Variants in ANO9 observed in about 807,000 individuals in gnomAD.
The protein encoded by ANO9 is anoctamin-9.
In ANO9, 80 loss-of-function variants were observed where a neutral mutation model predicts 100.5. The ratio of observed to expected loss-of-function variants is 0.80; its 90% confidence interval spans 0.66 to 0.96. ANO9 has a LOEUF of 0.96. Ranked by LOEUF, ANO9 falls within the 40% of genes least tolerant of loss-of-function variation. The pLI is 0.00. For synonymous variants in ANO9, 473 were observed against 435.6 expected (o/e 1.09, Z -1.07); for missense variants, 1,064 against 1,072.7 (o/e 0.99, Z 0.11).
chr11:418,032 G>C lies in ANO9; in HGVS notation c.*339C>G, dbSNP rs1207937358. The C allele has an allele frequency of 9.6e-6, 3 of 314,110 alleles. No individual in the cohort carries two copies. In the Admixed American group the frequency reaches 1.4e-4, roughly 15 times the overall value. The allele number at this position is 314,110 out of a possible 1,614,324, so 19.5% of individuals were successfully genotyped here. A position where few individuals can be genotyped will look rare whatever the true frequency, so the allele number is the denominator to read the frequency against. On this transcript the variant is annotated 3_prime_UTR_variant, in exon 23 of 23. Coordinates refer to ENST00000332826, the MANE Select transcript of ANO9 (RefSeq NM_001012302.3). The stretch of plus-strand genomic sequence containing the variant: ...CCCCCAACAGCCAGGATGGGGGCAC[G>C]GCAGGATCTGGCGCCCAGAAGTCAG...
In ANO9 at chr11:428,472, C is replaced by T. The variant is rs1301876458; in HGVS notation, c.1185+3G>A. 3 of 1,612,434 alleles carry T rather than the reference C, an allele frequency of 1.9e-6. No homozygotes were observed. The highest frequency in any genetic ancestry group is 8.5e-7 in the Non-Finnish European group (1 of 1,179,750). ...CTCGGGCCTGCCCTGCTCCCGGCCC[C>T]ACCTTGGTCATGATGATGATGGTCA... On this transcript the variant is annotated splice_donor_region_variant and intron_variant, in intron 13 of 22. Coordinates refer to ENST00000332826, the MANE Select transcript of ANO9 (RefSeq NM_001012302.3).
At chr11:429,981 T>C in intron 9 of ANO9, 102 bp downstream of exon 9, 1 of 1,414,906 alleles carries the variant, frequency 7.1e-7, no homozygotes, top group Non-Finnish European at 9.7e-7. Flanking sequence ...TGGGGAAAGC[T>C]GAGCAGCTCT....
chr11:418,262 G>A lies in ANO9; in HGVS notation c.*109C>T. On this transcript the variant is annotated 3_prime_UTR_variant, in exon 23 of 23. Transcript: ENST00000332826. Reference sequence around the variant, plus strand: ...ACAGGGGATTCCTGCGGCCCCACATGGGCACAGCCTTCTCACAGCACCCCT... The same window carrying A: ...ACAGGGGATTCCTGCGGCCCCACATAGGCACAGCCTTCTCACAGCACCCCT... 8.8e-7 allele frequency: 1 copy of A among 1,136,578 alleles called. No individual in the cohort carries two copies. The highest frequency in any genetic ancestry group is 1.2e-6 in the Non-Finnish European group (1 of 819,462). 70.4% of individuals were successfully genotyped at this position (1,136,578 alleles called of 1,614,324 possible).
chr11:435,831 A>G (rs1849479372), intron 1 of ANO9, among the ~76,000 whole-genome samples: 1 of 114,226 alleles, frequency 8.8e-6, no homozygotes, highest in South Asian at 2.9e-4. Flanking sequence ...ATAACATAAT[A>G]CGGTATAGTC....
At chr11:428,441 C>T in intron 13 of ANO9, 34 bp downstream of exon 13, 7 of 1,612,510 alleles carry the variant, frequency 4.3e-6, no homozygotes, top group Non-Finnish European at 5.9e-6. Context: ...CCGGTGGACC[C>T]CCCAGCTCGG....
Position 419,741 on chromosome 11 carries a change from C to T in ANO9, c.1787-12G>A, listed in dbSNP as rs780602687. On this transcript the variant is annotated splice_polypyrimidine_tract_variant and intron_variant, in intron 19 of 22. Coordinates refer to ENST00000332826, the MANE Select transcript of ANO9 (RefSeq NM_001012302.3). ...CTGCAGCCAGGTCCCTGCACCAGAG[C>T]AGTGGGCAAGCGGTCTGACTCAGCG... 20 of 1,593,862 alleles carry T rather than the reference C, an allele frequency of 1.3e-5. No homozygotes were observed. The highest frequency in any genetic ancestry group is 1.2e-4 in the South Asian group (11 of 90,906).
At position 420,781 on chromosome 11, in the gene ANO9, G is replaced by A. The variant is rs750147011; in HGVS notation, c.1570C>T (p.Arg524Trp). The A allele has an allele frequency of 1.1e-5, 18 of 1,600,804 alleles. No homozygotes were observed. The highest frequency in any genetic ancestry group is 1.1e-5 in the Non-Finnish European group (13 of 1,176,312). ...LPRDPELRDW[R>W]RNYLLNPVNT... ...ACCGGGTTCAGAAGGTAGTTGCGCC[G>A]CCAGTCCCTGAGCTCGGGGTCCCGG... The change falls in exon 18 of 23, where the codon CGG becomes TGG. Residue 524 changes from arginine (R) to tryptophan (W), a missense_variant. Transcript: ENST00000332826.
intron 15 of ANO9, among the ~76,000 whole-genome samples, chr11:426,902 C>G (rs535700878): frequency 3.3e-5 from 5 of 152,276 alleles, no homozygotes; most frequent in Admixed American, 2.6e-4. Context: ...AGGGTTGGAC[C>G]AATTGACACT....
intron 7 of ANO9, among the ~76,000 whole-genome samples, chr11:430,749 G>A (rs1848881430): frequency 9.2e-6 from 1 of 108,516 alleles, no homozygotes; most frequent in South Asian, 3.8e-4. Context: ...TGGGTGGTGT[G>A]TGGGGGCGTT....
At position 432,361 on chromosome 11, in the gene ANO9, C is replaced by T. The variant is rs2133703150; in HGVS notation, c.351-307G>A. ...ACAGCCCGCACCTGCAACCACACCT[C>T]CCACCTGCGGGCCCCATGTGTCCAG... On this transcript the variant is annotated intron_variant, in intron 4 of 22. Coordinates refer to ENST00000332826, the MANE Select transcript of ANO9 (RefSeq NM_001012302.3). The surrounding 1 kb of genome is among the most constrained non-coding windows in gnomAD (Gnocchi z 4.8). The T allele has an allele frequency of 8.4e-6, 4 of 474,968 alleles. No homozygotes were observed. Among genetic ancestry groups the T allele is most frequent in the South Asian group, 2.4e-5 (1 of 42,030 alleles). 29.4% of individuals were successfully genotyped at this position (474,968 alleles called of 1,614,324 possible).
intron 1 of ANO9, among the ~76,000 whole-genome samples, chr11:441,480 T>C (rs755220890): frequency 2.0e-5 from 3 of 151,970 alleles, no homozygotes; most frequent in Admixed American, 6.5e-5. Flanking sequence ...CTCCCAACCC[T>C]GGGGCAGCCT....
chr11:436,225 G>A (rs1398439738), intron 1 of ANO9, among the ~76,000 whole-genome samples: 1 of 151,840 alleles, frequency 6.6e-6, no homozygotes, highest in Non-Finnish European at 1.5e-5. Flanking sequence ...GCGCCACCAC[G>A]CCCAGCTGAT....
chr11:427,413 T>C (rs1409796663), intron 15 of ANO9, among the ~76,000 whole-genome samples: 1 of 151,814 alleles, frequency 6.6e-6, no homozygotes, highest in Non-Finnish European at 1.5e-5. Context: ...GTGAAATGAG[T>C]CTTTCTGGCT....
At chr11:433,791 G>A (rs1849232694) in intron 3 of ANO9, 24 bp downstream of exon 3, 1 of 1,548,856 alleles carries the variant, frequency 6.5e-7, no homozygotes, top group East Asian at 2.4e-5. Context: ...CCATGGCCCT[G>A]CCCCTCGCTG....
In ANO9 at chr11:418,249, T is replaced by C. The variant is rs971928971; in HGVS notation, c.*122A>G. ...CAGCCCTGAACATACAGGGGATTCCTGCGGCCCCACATGGGCACAGCCTTC... is the reference window on the plus strand; with the variant it reads ...CAGCCCTGAACATACAGGGGATTCCCGCGGCCCCACATGGGCACAGCCTTC... On this transcript the variant is annotated 3_prime_UTR_variant, in exon 23 of 23. Transcript: ENST00000332826. 39 of 1,002,378 alleles carry C rather than the reference T, an allele frequency of 3.9e-5. 2 individuals are homozygous for C. In the South Asian group the frequency reaches 6.3e-4, roughly 16 times the overall value. The allele number at this position is 1,002,378 out of a possible 1,614,324, so 62.1% of individuals were successfully genotyped here.
At chr11:441,837 G>T in intron 1 of ANO9, 84 bp downstream of exon 1, 1 of 1,541,722 alleles carries the variant, frequency 6.5e-7, no homozygotes, top group Non-Finnish European at 8.7e-7. Flanking sequence ...AGGTGGGGCT[G>T]GCGGGGGGCT....
chr11:437,139 A>G (rs957691103), intron 1 of ANO9, among the ~76,000 whole-genome samples: 1 of 150,826 alleles, frequency 6.6e-6, no homozygotes, highest in Non-Finnish European at 1.5e-5. Context: ...GAGGAGGAAG[A>G]ACCCCATTGT....
At chr11:439,101 G>T (rs565346159) in intron 1 of ANO9, among the ~76,000 whole-genome samples, 2 of 152,168 alleles carry the variant, frequency 1.3e-5, no homozygotes, top group Non-Finnish European at 2.9e-5. Flanking sequence ...CAGCCCCCAG[G>T]TCACCTCAGC....
At chr11:429,902 C>G in intron 9 of ANO9, 84 bp from the exon 10 acceptor site, 12 of 501,122 alleles carry the variant, frequency 2.4e-5, no homozygotes, top group Non-Finnish European at 3.0e-5. Flanking sequence ...GCAGGAAAGC[C>G]GGGGAAGGGG....
Sources: gnomAD v4.1 joint callset for allele counts (sites outside exome capture counted in the v4.1 genomes callset) on GRCh38, gnomAD v4.1.1 for gene constraint, Gnocchi (gnomAD v3.1) non-coding constraint, MANE v1.5 for transcripts, NCBI Gene and HGNC (gene_info 2026-07-23, HGNC 2026-07-21) for gene names.